Variants in ZC3H18 observed in about 807,000 individuals in gnomAD.
ZC3H18 encodes zinc finger CCCH domain-containing protein 18.
ZC3H18 carries 8 observed loss-of-function variants against 106.1 expected under a neutral mutation model. The observed-to-expected ratio is 0.08, with a 90% confidence interval of 0.04 to 0.14. ZC3H18 has a LOEUF of 0.14. Ranked by LOEUF, ZC3H18 falls within the 10% of genes least tolerant of loss-of-function variation. The pLI, the probability that ZC3H18 is intolerant of heterozygous loss-of-function variation, is 1.00. For missense variants in ZC3H18, 1,318 were observed against 1,278.4 expected, an observed-to-expected ratio of 1.03 and a Z score of -0.47; for synonymous variants, 635 against 522.1, an observed-to-expected ratio of 1.22 and a Z score of -2.95.
chr16:88,624,801 G>A, intron 12 of ZC3H18, 56 bp downstream of exon 12: 1 of 1,542,356 alleles, frequency 6.5e-7, no homozygotes. Context: ...GTGCCACTGT[G>A]ATGCTGGCAC....
At chr16:88,630,612 C>T (rs1286212694) in intron 17 of ZC3H18, 31 bp downstream of exon 17, 7 of 1,566,554 alleles carry the variant, frequency 4.5e-6, no homozygotes, top group Non-Finnish European at 5.2e-6. Context: ...GCCCTGGGCA[C>T]ACCGAGGGGG....
At chr16:88,580,968 G>A (rs1014879551) in intron 2 of ZC3H18, among the ~76,000 whole-genome samples, 1 of 152,154 alleles carries the variant, frequency 6.6e-6, no homozygotes, top group African/African-American at 2.4e-5. Flanking sequence ...AGCATTCCAG[G>A]TCCCAGCAGG....
chr16:88,571,017 C>A (rs768929201), intron 1 of ZC3H18, among the ~76,000 whole-genome samples: 1 of 152,180 alleles, frequency 6.6e-6, no homozygotes, highest in Non-Finnish European at 1.5e-5. Context: ...GAACTTGCTC[C>A]GCAGCTTCAA....
At chr16:88,602,831 C>T (rs1331316303) in intron 6 of ZC3H18, among the ~76,000 whole-genome samples, 1 of 152,186 alleles carries the variant, frequency 6.6e-6, no homozygotes, top group Non-Finnish European at 1.5e-5. Flanking sequence ...ATAATTGTCA[C>T]ATAGAAGCAC....
In ZC3H18 at chr16:88,628,081, G is replaced by A. The variant is rs1278424396; in HGVS notation, c.2431G>A (p.Val811Met). The change falls in exon 15 of 18, where the codon GTG becomes ATG. Residue 811 changes from valine (V) to methionine (M), a missense_variant. Val to Met is a conservative substitution (Grantham distance 21). Around this residue, in one of 6 missense-constraint regions of ZC3H18, gnomAD observed 848 missense variants for 821.7 expected, o/e 1.03. Transcript: ENST00000301011. ...CGGGCAGCCCCAGCAGGGCACATTT[G>A]TGGCCCACAAGGAGATCAAGTTGAC... Reference protein sequence around the residue: ...PPGQPQQGTFVAHKEIKLTLL... With the variant: ...PPGQPQQGTFMAHKEIKLTLL... 2 of 1,614,062 alleles carry A rather than the reference G, an allele frequency of 1.2e-6. No individual in the cohort carries two copies. Among genetic ancestry groups the A allele is most frequent in the Non-Finnish European group, 1.7e-6 (2 of 1,180,018 alleles).
rs75206493 is a variant in ZC3H18, at chr16:88,580,212, A to G, written c.603+2486A>G. ...TGTGTGTGTGTGTGTGTGTGTGTAT[A>G]TGTATATGTCTCTGCCTGCTGCTTC... On this transcript the variant is annotated intron_variant, in intron 2 of 17. Coordinates refer to ENST00000301011, the MANE Select transcript of ZC3H18 (RefSeq NM_144604.4). Among the ~76,000 whole-genome samples the G allele has an allele frequency of 6.7e-3, 398 of 59,740 alleles. 2 individuals are homozygous for G. Among genetic ancestry groups the G allele is most frequent in the East Asian group, 6.3e-3 (10 of 1,582 alleles). 39.2% of individuals were successfully genotyped at this position (59,740 alleles called of 152,430 possible).
Position 88,598,718 on chromosome 16 carries a change from C to T in ZC3H18, c.930+6C>T. On this transcript the variant is annotated splice_donor_region_variant and intron_variant, in intron 5 of 17. Coordinates refer to ENST00000301011, the MANE Select transcript of ZC3H18 (RefSeq NM_144604.4). ...GACTCCGGCATGCAAAGGAGGTAAA[C>T]ACAATTCAGCAGAAATCCCGACAAG... The T allele has an allele frequency of 1.2e-6, 2 of 1,607,662 alleles. 1 individual carries two copies. The highest frequency in any genetic ancestry group is 2.2e-5 in the South Asian group (2 of 89,890).
intron 6 of ZC3H18, among the ~76,000 whole-genome samples, chr16:88,605,277 A>T (rs1404243471): frequency 6.6e-6 from 1 of 152,270 alleles, no homozygotes; most frequent in Admixed American, 6.5e-5. Flanking sequence ...GACTCAGGGC[A>T]GATGGATGTA....
chr16:88,630,748 C>A (rs56974587), intron 17 of ZC3H18, among the ~76,000 whole-genome samples, 167 bp downstream of exon 17: 4 of 71,310 alleles, frequency 5.6e-5, no homozygotes, highest in South Asian at 4.5e-4. Flanking sequence ...ATTGCAGCCC[C>A]ACCCCCCACC....
At chr16:88,605,786 A>G (rs1904982967) in intron 6 of ZC3H18, among the ~76,000 whole-genome samples, 1 of 152,250 alleles carries the variant, frequency 6.6e-6, no homozygotes, top group Admixed American at 6.5e-5. Flanking sequence ...CACGTTCTCT[A>G]ATTGCTCGAC....
At chr16:88,582,271 C>CCAGA (rs1178016633) in intron 2 of ZC3H18, among the ~76,000 whole-genome samples, 1 of 125,444 alleles carries the variant, frequency 8.0e-6, no homozygotes, top group Non-Finnish European at 1.6e-5. Context: ...GTTGCCCAGG[C>CCAGA]CAGAGTGCAG....
intron 9 of ZC3H18, 113 bp downstream of exon 9, chr16:88,622,501 C>A: frequency 2.5e-6 from 3 of 1,217,110 alleles, no homozygotes; most frequent in African/African-American, 3.0e-5. Context: ...TTTGCTGTGG[C>A]GTCGTTACCT....
chr16:88,614,879 A>G (rs1597350840), intron 8 of ZC3H18, among the ~76,000 whole-genome samples: 2 of 152,090 alleles, frequency 1.3e-5, no homozygotes, highest in African/African-American at 4.8e-5. Context: ...GCAGCCCAGC[A>G]CCCCGTGCAC....
intron 6 of ZC3H18, among the ~76,000 whole-genome samples, chr16:88,601,176 A>C (rs893079174): frequency 7.9e-5 from 12 of 152,252 alleles, no homozygotes; most frequent in African/African-American, 2.9e-4. Flanking sequence ...TAGAGGTTAA[A>C]GGGATAGGTA....
intron 3 of ZC3H18, among the ~76,000 whole-genome samples, chr16:88,597,902 T>TATG: frequency 6.6e-6 from 1 of 152,236 alleles, no homozygotes; most frequent in Non-Finnish European, 1.5e-5. Context: ...AGACAGTTGA[T>TATG]ACGCGTGAAC....
intron 2 of ZC3H18, among the ~76,000 whole-genome samples, chr16:88,578,589 C>T (rs1914908178): frequency 6.6e-6 from 1 of 151,678 alleles, no homozygotes; most frequent in Non-Finnish European, 1.5e-5. Flanking sequence ...GGAGTCATTG[C>T]GGTGAAGAGT....
chr16:88,587,622 T>G lies in ZC3H18; in HGVS notation c.688+938T>G, dbSNP rs1567581053. ...CAGAGGCCAGGTTAAAGGTACAAAA[T>G]ACGCTATATTCACTCTCTTCAGTAC... On this transcript the variant is annotated intron_variant, in intron 3 of 17. Coordinates refer to ENST00000301011, the MANE Select transcript of ZC3H18 (RefSeq NM_144604.4). 4 of 1,533,562 alleles carry G rather than the reference T, an allele frequency of 2.6e-6. No homozygotes were observed. The African/African-American group carries it at 5.5e-5, about 21-fold the overall frequency. 95.0% of individuals were successfully genotyped at this position (1,533,562 alleles called of 1,614,324 possible).
At chr16:88,602,725 C>T (rs1740587278) in intron 6 of ZC3H18, among the ~76,000 whole-genome samples, 1 of 152,176 alleles carries the variant, frequency 6.6e-6, no homozygotes, top group Non-Finnish European at 1.5e-5. Context: ...GTTGCTCAGG[C>T]TGGTCTCCAA....
chr16:88,620,686 C>T (rs1008469558), intron 8 of ZC3H18, among the ~76,000 whole-genome samples: 2 of 151,742 alleles, frequency 1.3e-5, no homozygotes, highest in Admixed American at 1.3e-4. Context: ...GACACCGAGC[C>T]CAGGTTCGGC....
Sources: allele counts gnomAD v4.1 joint callset (sites outside exome capture counted in the v4.1 genomes callset), GRCh38; gene constraint gnomAD v4.1.1; regional missense constraint gnomAD v4.1.1; transcripts MANE v1.5; gene names NCBI Gene and HGNC (gene_info 2026-07-23, HGNC 2026-07-21).